Variants in POFUT2 observed in about 807,000 individuals in gnomAD.
POFUT2 encodes the protein protein O-fucosyltransferase 2.
Under a neutral mutation model 55.0 loss-of-function variants are expected in POFUT2, and 30 were observed. The observed-to-expected ratio is 0.55, with a 90% CI of 0.41 to 0.74. The LOEUF (loss-of-function observed/expected upper bound fraction) is 0.74, where lower values mean the gene tolerates loss of function less well. Ranked by LOEUF, POFUT2 falls within the 30% of genes least tolerant of loss-of-function variation. The pLI is 0.00. For missense variants in POFUT2, 524 were observed against 562.6 expected, an observed-to-expected ratio of 0.93 and a Z score of 0.69; for synonymous variants, 267 against 231.1, an observed-to-expected ratio of 1.16 and a Z score of -1.41.
chr21:45,264,241 G>A lies in POFUT2; in HGVS notation c.*1241C>T, dbSNP rs1462346732. On this transcript the variant is annotated 3_prime_UTR_variant, in exon 9 of 9. Transcript: ENST00000349485. ...TAACTGTCCTCTCTCTGTCACAGGTGTCCATGTCACTGTTCCTCTAGCAGA... is the reference window on the plus strand; with the variant it reads ...TAACTGTCCTCTCTCTGTCACAGGTATCCATGTCACTGTTCCTCTAGCAGA... 1 of 152,244 alleles carries A rather than the reference G, an allele frequency of 6.6e-6. No individual in the cohort carries two copies. Among genetic ancestry groups the A allele is most frequent in the Admixed American group, 6.5e-5 (1 of 15,282 alleles). 9.4% of individuals were successfully genotyped at this position (152,244 alleles called of 1,614,324 possible). A position where few individuals can be genotyped will look rare whatever the true frequency, so the allele number is the denominator to read the frequency against.
chr21:45,279,143 G>A (rs1741417034), intron 4 of POFUT2, among the ~76,000 whole-genome samples: 2 of 152,188 alleles, frequency 1.3e-5, no homozygotes, highest in Admixed American at 6.5e-5. Context: ...TCTAATCCCA[G>A]CACTTTGGGA....
chr21:45,268,877 C>T lies in POFUT2; in HGVS notation c.1012+962G>A, dbSNP rs80006865. The stretch of plus-strand genomic sequence containing the variant: ...GAGGGAGGTGGGGGGGTCAGCACCC[C>T]GGGCGGCCAGCCGCCCCGTCCGGGA... On this transcript the variant is annotated intron_variant, in intron 7 of 8. Coordinates refer to ENST00000349485, the MANE Select transcript of POFUT2 (RefSeq NM_133635.6). Among the ~76,000 whole-genome samples, 20 of 98,272 alleles carry T rather than the reference C, an allele frequency of 2.0e-4. 4 individuals are homozygous for T. The highest frequency in any genetic ancestry group is 7.3e-4 in the African/African-American group (18 of 24,732). The allele number at this position is 98,272 out of a possible 152,430, so 64.5% of individuals were successfully genotyped here.
rs528212297 is a variant in POFUT2, at chr21:45,284,451, G to A, written c.383-924C>T. 2.6e-5 allele frequency among the ~76,000 whole-genome samples: 4 copies of A among 152,304 alleles called. No individual in the cohort carries two copies. The highest frequency in any genetic ancestry group is 6.5e-5 in the Admixed American group (1 of 15,304). ...CCGTGTGCAGTCTCTTGGCAGCCTC[G>A]CCCTAGGACAGGCACCCAGTTCCTT... is the stretch of plus-strand genomic sequence containing the variant. On this transcript the variant is annotated intron_variant, in intron 2 of 8. Transcript: ENST00000349485. The surrounding 1 kb of genome is among the most constrained non-coding windows in gnomAD (Gnocchi z 5.8).
rs2093146373 is a variant in POFUT2, at chr21:45,265,614, G to A, written c.1158C>T (p.Val386=). ...CATGAATCCGAAAAGAAAATGTTGA[G>A]ACTGAGGTGCCAATAAAAAACCTGC... ...AHARFFIGTS[V]STFSFRIHEE... Residue 386 remains valine (V), a synonymous_variant, in exon 9 of 9, where the codon GTC becomes GTT. Transcript: ENST00000349485. The surrounding 1 kb of genome is among the most constrained non-coding windows in gnomAD (Gnocchi z 4.6). 6.2e-7 allele frequency: 1 copy of A among 1,613,328 alleles called. No individual in the cohort carries two copies. Among genetic ancestry groups the A allele is most frequent in the Non-Finnish European group, 8.5e-7 (1 of 1,179,778 alleles).
At chr21:45,280,941 T>G (rs1254946323) in intron 4 of POFUT2, among the ~76,000 whole-genome samples, 1 of 152,260 alleles carries the variant, frequency 6.6e-6, no homozygotes, top group Non-Finnish European at 1.5e-5. Flanking sequence ...GTTCTTGATT[T>G]TAAAGTAACT....
In POFUT2 at chr21:45,274,248, C is replaced by CA. The variant is rs199717953; in HGVS notation, c.831+2768dup. 2.2e-3 allele frequency among the ~76,000 whole-genome samples: 328 copies of CA among 151,808 alleles called. 2 individuals are homozygous for CA. The highest frequency in any genetic ancestry group is 6.9e-3 in the African/African-American group (285 of 41,430). ...AAACAAACAAACAAACAAAAACAAC[C>CA]AAAAAAACCCACAAAACTTGATCTC... is the stretch of plus-strand genomic sequence containing the variant. On this transcript the variant is annotated intron_variant, in intron 6 of 8. Coordinates refer to ENST00000349485, the MANE Select transcript of POFUT2 (RefSeq NM_133635.6).
At chr21:45,278,277 A>G (rs913726216) in intron 4 of POFUT2, 108 bp from the exon 5 acceptor site, 3 of 974,662 alleles carry the variant, frequency 3.1e-6, no homozygotes, top group Non-Finnish European at 4.9e-6. Flanking sequence ...AGCAGAGACC[A>G]AGTCTCCGAG....
intron 7 of POFUT2, among the ~76,000 whole-genome samples, chr21:45,268,403 A>C (rs2093178098): frequency 6.7e-6 from 1 of 148,960 alleles, no homozygotes; most frequent in Non-Finnish European, 1.5e-5. Flanking sequence ...CCCGGCCGCC[A>C]CCCCATCTGG....
At chr21:45,287,673 C>A in intron 1 of POFUT2, 68 bp downstream of exon 1, 1 of 1,144,316 alleles carries the variant, frequency 8.7e-7, no homozygotes, top group East Asian at 3.5e-5. Context: ...CCCGCCCCGC[C>A]CCCATCCCAT....
At position 45,267,400 on chromosome 21, in the gene POFUT2, G is replaced by A. The variant is rs370898437; in HGVS notation, c.1136+190C>T. On this transcript the variant is annotated intron_variant, in intron 8 of 8. Transcript: ENST00000349485. The surrounding 1 kb of genome is among the most constrained non-coding windows in gnomAD (Gnocchi z 4.4). ...TGCATGAGAACTAAAGGGGCAAGATGAACAATTAACTTCAGCCCAGGGAAA... is the reference window on the plus strand; with the variant it reads ...TGCATGAGAACTAAAGGGGCAAGATAAACAATTAACTTCAGCCCAGGGAAA... The A allele has an allele frequency of 9.7e-5, 156 of 1,603,802 alleles. No individual in the cohort carries two copies. The African/African-American group carries it at 2.0e-3, about 21-fold the overall frequency.
At chr21:45,268,252 T>C (rs188510603) in intron 7 of POFUT2, among the ~76,000 whole-genome samples, 18 of 152,364 alleles carry the variant, frequency 1.2e-4, no homozygotes, top group African/African-American at 2.9e-4. Context: ...CCCGAGGTGC[T>C]GGGATTGCAG....
rs2093136067 is a variant in POFUT2, at chr21:45,264,457, C to A, written c.*1025G>T. The stretch of plus-strand genomic sequence containing the variant: ...TCTAGCGTTGCCCTCTTTGCAGATG[C>A]CCCTCGTGGTGGTGGCACAAAGACC... On this transcript the variant is annotated 3_prime_UTR_variant, in exon 9 of 9. Transcript: ENST00000349485. 6.6e-6 allele frequency: 1 copy of A among 152,042 alleles called. No homozygotes were observed. The highest frequency in any genetic ancestry group is 2.4e-5 in the African/African-American group (1 of 41,206). 9.4% of individuals were successfully genotyped at this position (152,042 alleles called of 1,614,324 possible).
At chr21:45,266,954 A>T in intron 8 of POFUT2, 15 of 1,024,438 alleles carry the variant, frequency 1.5e-5, no homozygotes, top group Non-Finnish European at 1.6e-5. Context: ...ACAGAGGCCC[A>T]GGCGTACCTC....
At chr21:45,287,196 GGCCCCT>G (rs1217709805) in intron 1 of POFUT2, among the ~76,000 whole-genome samples, 1,005 of 60,746 alleles carry the variant, frequency 0.017, 18 homozygotes, top group African/African-American at 0.055. Context: ...GCCCGGCCCC[GGCCCCT>G]GCCCCTGCCC....
chr21:45,269,398 TAGAA>T (rs2093196834), intron 7 of POFUT2, among the ~76,000 whole-genome samples: 1 of 151,944 alleles, frequency 6.6e-6, no homozygotes, highest in Non-Finnish European at 1.5e-5. Flanking sequence ...CGTGTCTGTG[TAGAA>T]AGAAGTAGAC....
intron 6 of POFUT2, among the ~76,000 whole-genome samples, chr21:45,275,473 T>C (rs1181159913): frequency 1.3e-5 from 2 of 152,224 alleles, no homozygotes; most frequent in East Asian, 1.9e-4. Flanking sequence ...TGCATATGCA[T>C]GTTTATAGCA....
Position 45,277,467 on chromosome 21 carries a change from C to T in POFUT2, c.706-325G>A, listed in dbSNP as rs1034571335. 2 of 351,800 alleles carry T rather than the reference C, an allele frequency of 5.7e-6. No individual in the cohort carries two copies. Among genetic ancestry groups the T allele is most frequent in the African/African-American group, 2.1e-5 (1 of 47,938 alleles). The allele number at this position is 351,800 out of a possible 1,614,324, so 21.8% of individuals were successfully genotyped here. ...TGCAGCTCCTTCCCCTCAGTCTCTC[C>T]CCAACTCGACTTCTAGCTTAGGCGG... On this transcript the variant is annotated intron_variant, in intron 5 of 8. Coordinates refer to ENST00000349485, the MANE Select transcript of POFUT2 (RefSeq NM_133635.6). This position sits in a 1 kb window ranked among gnomAD's most constrained non-coding sequence, Gnocchi z 6.9.
chr21:45,287,798 T>C lies in POFUT2; in HGVS notation c.74A>G (p.Glu25Gly). Residue 25 changes from glutamate to glycine, a missense_variant, in exon 1 of 9, where the codon GAG becomes GGG. This residue lies in a region of POFUT2 where 274 missense variants were observed against 244.4 expected (regional missense o/e 1.12). Coordinates refer to ENST00000349485, the MANE Select transcript of POFUT2 (RefSeq NM_133635.6). ...GGCCGCCGATTGTCCGGGCCAGAAC[T>C]CCTGGCCGGAGGCAGAAGCCGGAGG... is the stretch of plus-strand genomic sequence containing the variant. ...SWPPASASGQ[E>G]FWPGQSAADI... 1 of 1,477,612 alleles carries C rather than the reference T, an allele frequency of 6.8e-7. No individual in the cohort carries two copies. Among genetic ancestry groups the C allele is most frequent in the East Asian group, 2.8e-5 (1 of 35,184 alleles). 91.5% of individuals were successfully genotyped at this position (1,477,612 alleles called of 1,614,324 possible). A position where few individuals can be genotyped will look rare whatever the true frequency, so the allele number is the denominator to read the frequency against.
At chr21:45,287,085 C>T (rs1602244661) in intron 1 of POFUT2, among the ~76,000 whole-genome samples, 1 of 151,938 alleles carries the variant, frequency 6.6e-6, no homozygotes, top group East Asian at 1.9e-4. Flanking sequence ...CAGACGACCC[C>T]GCCTGCAGAC....
Sources: allele counts gnomAD v4.1 joint callset (sites outside exome capture counted in the v4.1 genomes callset), GRCh38; gene constraint gnomAD v4.1.1; regional missense constraint gnomAD v4.1.1; non-coding constraint Gnocchi (gnomAD v3.1); transcripts MANE v1.5; gene names NCBI Gene and HGNC (gene_info 2026-07-23, HGNC 2026-07-21).